Variants in ZNF83 observed in about 807,000 individuals in gnomAD.
ZNF83 encodes zinc finger protein 816B.
For missense variants in ZNF83, 552 were observed against 629.9 expected, an observed-to-expected ratio of 0.88 and a Z score of 1.32; for synonymous variants, 209 against 213.0, an observed-to-expected ratio of 0.98 and a Z score of 0.17.
In ZNF83 at chr19:52,631,757, T is replaced by C. The variant is rs1377680068; in HGVS notation, c.-234+3309A>G. On this transcript the variant is annotated intron_variant, in intron 2 of 2. Transcript: ENST00000301096. ...CACCTGATCACGCTTGATTTATTGA[T>C]GGCGGTTCCACCAGGCCTAATCGCC... is the stretch of plus-strand genomic sequence containing the variant. Among the ~76,000 whole-genome samples the C allele has an allele frequency of 3.3e-5, 5 of 152,334 alleles. No individual in the cohort carries two copies. The South Asian group carries it at 8.3e-4, about 25-fold the overall frequency.
chr19:52,655,767 T>G (rs1600234116), intron 2 of ZNF83: 1 of 673,940 alleles, frequency 1.5e-6, no homozygotes, highest in East Asian at 2.6e-5. Context: ...AGAAAATAAG[T>G]ATTGATTTGA....
chr19:52,673,521 A>C (rs976282148), intron 1 of ZNF83, among the ~76,000 whole-genome samples: 4 of 147,516 alleles, frequency 2.7e-5, no homozygotes, highest in Admixed American at 2.7e-4. Context: ...CACACACACA[A>C]AATGCTATAA....
At chr19:52,619,316 G>A (rs999394224) in intron 2 of ZNF83, among the ~76,000 whole-genome samples, 7 of 152,124 alleles carry the variant, frequency 4.6e-5, no homozygotes, top group Non-Finnish European at 8.8e-5. Flanking sequence ...TAGATGCCTG[G>A]TTCCCATTAT....
rs556386625 is a variant in ZNF83 at position 52,637,795 on chromosome 19, A to G, written c.-322+517T>C. Among the ~76,000 whole-genome samples the G allele has an allele frequency of 3.9e-5, 6 of 152,210 alleles. No homozygotes were observed. In the South Asian group the frequency reaches 1.2e-3, roughly 32 times the overall value. ...CCGGGTACCTCCCCAACGCGGGTTC[A>G]GGGGAAGAGGTGACTGTGGAGGAGA... is the stretch of plus-strand genomic sequence containing the variant. On this transcript the variant is annotated intron_variant, in intron 1 of 2. Transcript: ENST00000301096.
chr19:52,688,946 GA>G (rs2062094835), intron 1 of ZNF83, among the ~76,000 whole-genome samples: 1 of 51,024 alleles, frequency 2.0e-5, no homozygotes, highest in Non-Finnish European at 3.7e-5. Flanking sequence ...GAGCAAGGTT[GA>G]AGGAAAAAAA....
intron 2 of ZNF83, among the ~76,000 whole-genome samples, chr19:52,655,986 G>T (rs1372652348): frequency 1.3e-5 from 2 of 152,116 alleles, no homozygotes; most frequent in Non-Finnish European, 2.9e-5. Context: ...TGAGGTGGGT[G>T]TATCAACTGA....
intron 1 of ZNF83, among the ~76,000 whole-genome samples, chr19:52,637,282 A>AC (rs2061181518): frequency 6.6e-6 from 1 of 151,360 alleles, no homozygotes; most frequent in African/African-American, 2.4e-5. Context: ...TCCCTGTTAT[A>AC]CCCCCTGTCC....
chr19:52,688,059 T>C (rs955441591), intron 1 of ZNF83, among the ~76,000 whole-genome samples: 1 of 151,996 alleles, frequency 6.6e-6, no homozygotes, highest in African/African-American at 2.4e-5. Context: ...CTCAATCTCA[T>C]CTTTATAATT....
intron 2 of ZNF83, chr19:52,616,964 A>G (rs1001148045): frequency 6.6e-5 from 10 of 152,334 alleles, no homozygotes; most frequent in East Asian, 1.9e-4. Flanking sequence ...GTTCTCACTC[A>G]TAAGTGGGAG....
chr19:52,635,257 C>A, intron 1 of ZNF83, 104 bp from the exon 2 acceptor site: 1 of 476,632 alleles, frequency 2.1e-6, no homozygotes, highest in Non-Finnish European at 3.7e-6. Context: ...AAATATGGTC[C>A]CCTCTGCTGC....
At chr19:52,680,805 G>C (rs1226828825) in intron 1 of ZNF83, among the ~76,000 whole-genome samples, 1 of 148,336 alleles carries the variant, frequency 6.7e-6, no homozygotes. Flanking sequence ...GTAGAGACGG[G>C]GTTTCACCGT....
chr19:52,655,748 T>C, intron 2 of ZNF83: 1 of 715,220 alleles, frequency 1.4e-6, no homozygotes, highest in African/African-American at 1.8e-5. Context: ...TCACACAAAA[T>C]GAGAAAAGAG....
chr19:52,625,993 C>T (rs768497506), intron 2 of ZNF83, among the ~76,000 whole-genome samples: 24 of 152,192 alleles, frequency 1.6e-4, no homozygotes, highest in Admixed American at 2.6e-4. Flanking sequence ...GTGGCTCCTC[C>T]GCTTACATGT....
chr19:52,630,811 C>T (rs1329844616), intron 2 of ZNF83, among the ~76,000 whole-genome samples: 1 of 152,112 alleles, frequency 6.6e-6, no homozygotes, highest in African/African-American at 2.4e-5. Flanking sequence ...TATCACTCGC[C>T]TGTTACAGCA....
chr19:52,625,308 T>TA (rs113723719), intron 2 of ZNF83, among the ~76,000 whole-genome samples: 1 of 152,188 alleles, frequency 6.6e-6, no homozygotes, highest in African/African-American at 2.4e-5. Context: ...ACCATGCTGT[T>TA]ATATGGGCTG....
chr19:52,642,228 T>A (rs1479008449), upstream of ZNF83, among the ~76,000 whole-genome samples: 1 of 149,146 alleles, frequency 6.7e-6, no homozygotes, highest in Non-Finnish European at 1.5e-5. Flanking sequence ...GTGAAGAGCT[T>A]GAGGCTTCCA....
At chr19:52,639,424 T>C (rs961654295), upstream of ZNF83, among the ~76,000 whole-genome samples, 25 of 142,694 alleles carry the variant, frequency 1.8e-4, no homozygotes, top group Non-Finnish European at 2.3e-4. Context: ...TATTTTTTTT[T>C]TTTTTTTTTT....
In ZNF83 at chr19:52,687,605, A is replaced by G. The variant is rs1467090423; in HGVS notation, c.-283+2838T>C. Among the ~76,000 whole-genome samples, 473 of 56,596 alleles carry G rather than the reference A, an allele frequency of 8.4e-3. 10 individuals carry two copies. The highest frequency in any genetic ancestry group is 0.033 in the African/African-American group (335 of 10,250). The allele number at this position is 56,596 out of a possible 152,430, so 37.1% of individuals were successfully genotyped here. On this transcript the variant is annotated intron_variant, in intron 1 of 5. Coordinates refer to the ZNF83 transcript ENST00000594682. ...ATATATATATATATATAATGTATATATATATAATGTGTATATATATATATA... is the reference window on the plus strand; with the variant it reads ...ATATATATATATATATAATGTATATGTATATAATGTGTATATATATATATA...
At chr19:52,630,441 T>C (rs1235551386) in intron 2 of ZNF83, among the ~76,000 whole-genome samples, 1 of 152,164 alleles carries the variant, frequency 6.6e-6, no homozygotes, top group Non-Finnish European at 1.5e-5. Flanking sequence ...CTTCTAAGCC[T>C]CTTAAAACTC....
Sources: gnomAD v4.1 joint callset for allele counts (sites outside exome capture counted in the v4.1 genomes callset) on GRCh38, gnomAD v4.1.1 for gene constraint, MANE v1.5 for transcripts, NCBI Gene and HGNC (gene_info 2026-07-23, HGNC 2026-07-21) for gene names.